The following UBE2D3 variants were observed in gnomAD, a reference collection of about 807,000 sequenced individuals.
UBE2D3 encodes ubiquitin-conjugating enzyme E2 D3.
UBE2D3 carries 2 observed loss-of-function variants against 22.8 expected under a neutral mutation model. The observed-to-expected ratio is 0.09, with a 90% CI of 0.04 to 0.28. The LOEUF (loss-of-function observed/expected upper bound fraction) is 0.28, where lower values mean the gene tolerates loss of function less well. Ranked by LOEUF, UBE2D3 falls within the 10% of genes least tolerant of loss-of-function variation. The pLI is 1.00. For synonymous variants in UBE2D3, 56 were observed against 60.4 expected (o/e 0.93, Z 0.34); for missense variants, 27 against 182.5 (o/e 0.15, Z 4.91).
At chr4:102,806,811 C>T (rs1727120661) in intron 4 of UBE2D3, among the ~76,000 whole-genome samples, 1 of 152,084 alleles carries the variant, frequency 6.6e-6, no homozygotes, top group Non-Finnish European at 1.5e-5. Context: ...TTGTTGGAAA[C>T]TAACCTTAAT....
intron 1 of UBE2D3, among the ~76,000 whole-genome samples, chr4:102,835,005 T>C (rs1429666084): frequency 2.0e-5 from 3 of 152,042 alleles, no homozygotes; most frequent in African/African-American, 4.8e-5. Flanking sequence ...ATCCCCACTC[T>C]CTCAGGATAC....
chr4:102,823,244 A>G (rs1007118125), intron 2 of UBE2D3, among the ~76,000 whole-genome samples: 3 of 152,218 alleles, frequency 2.0e-5, no homozygotes, highest in African/African-American at 7.2e-5. Context: ...TTAAGAGCAC[A>G]TACTCTGGAC....
intron 1 of UBE2D3, among the ~76,000 whole-genome samples, chr4:102,852,220 A>T (rs1025932468): frequency 6.6e-6 from 1 of 152,214 alleles, no homozygotes; most frequent in African/African-American, 2.4e-5. Context: ...TCACATATTG[A>T]GTAGATCAGA....
intron 4 of UBE2D3, among the ~76,000 whole-genome samples, chr4:102,806,565 TTTTAA>T (rs1331353377): frequency 2.0e-5 from 3 of 152,178 alleles, no homozygotes; most frequent in Non-Finnish European, 4.4e-5. Context: ...GGACCAATTA[TTTTAA>T]TTCAGATAGT....
chr4:102,834,527 A>G (rs1731287371), intron 1 of UBE2D3, among the ~76,000 whole-genome samples: 2 of 152,038 alleles, frequency 1.3e-5, no homozygotes, highest in African/African-American at 4.8e-5. Flanking sequence ...GGCAGGGTGG[A>G]TTGCTTAAAC....
rs1732040593 is a variant in UBE2D3, at chr4:102,846,342, C to T, written c.-128-19706G>A. 5.3e-5 allele frequency among the ~76,000 whole-genome samples: 8 copies of T among 152,216 alleles called. No individual in the cohort carries two copies. The South Asian group carries it at 1.2e-3, about 24-fold the overall frequency. The stretch of plus-strand genomic sequence containing the variant: ...TCCTCTACAATATGCCCAGGAATTT[C>T]TGGCATTTTGGCCATCTTATTTATA... On this transcript the variant is annotated intron_variant, in intron 1 of 7. Coordinates refer to the UBE2D3 transcript ENST00000338145.
intron 2 of UBE2D3, 73 bp downstream of exon 2, chr4:102,826,412 A>C (rs1578269495): frequency 6.3e-7 from 1 of 1,577,820 alleles, no homozygotes; most frequent in African/African-American, 1.4e-5. Context: ...CTTCCTTCCC[A>C]CCCCCACGCT....
chr4:102,828,983 T>C (rs1252769430), upstream of UBE2D3, among the ~76,000 whole-genome samples: 1 of 152,214 alleles, frequency 6.6e-6, no homozygotes, highest in Non-Finnish European at 1.5e-5. Flanking sequence ...GTTTTAAAAA[T>C]ACACTTAATT....
At chr4:102,817,983 C>G (rs1729019349) in intron 2 of UBE2D3, among the ~76,000 whole-genome samples, 1 of 152,118 alleles carries the variant, frequency 6.6e-6, no homozygotes, top group African/African-American at 2.4e-5. Context: ...CAGCTTATTC[C>G]TTCCTAGCAG....
In UBE2D3 at chr4:102,802,543, T is replaced by C. The variant is rs754676400; in HGVS notation, c.198+18A>G. ...AAGCATAAATCTATACTAACAGATT[T>C]TGAGGGAAAATACTTGCCTTAGGTG... On this transcript the variant is annotated intron_variant, in intron 5 of 7. Coordinates refer to ENST00000453744, the MANE Select transcript of UBE2D3 (RefSeq NM_181891.3). 6.3e-7 allele frequency: 1 copy of C among 1,589,010 alleles called. No homozygotes were observed. Among genetic ancestry groups the C allele is most frequent in the African/African-American group, 1.4e-5 (1 of 73,804 alleles).
intron 1 of UBE2D3, among the ~76,000 whole-genome samples, chr4:102,850,749 C>A (rs994248752): frequency 9.9e-5 from 15 of 151,954 alleles, no homozygotes; most frequent in African/African-American, 3.6e-4. Flanking sequence ...TACTACTCAG[C>A]CATAAAAAGA....
chr4:102,836,302 A>G (rs998242193), intron 1 of UBE2D3, among the ~76,000 whole-genome samples: 16 of 151,502 alleles, frequency 1.1e-4, no homozygotes, highest in African/African-American at 3.9e-4. Context: ...ACTCGCCACC[A>G]CGCCGGCTAA....
rs151282518 is a variant in UBE2D3 at position 102,850,015 on chromosome 4, G to A, written c.-129+18700C>T. On this transcript the variant is annotated intron_variant, in intron 1 of 7. Transcript: ENST00000338145. ...AAGAATGCACCATAATTGGTTAATA[G>A]CTTTAAAGTGGAAACAGCCCACTGA... is the stretch of plus-strand genomic sequence containing the variant. Among the ~76,000 whole-genome samples the A allele has an allele frequency of 4.7e-4, 72 of 152,216 alleles. No homozygotes were observed. In the East Asian group the frequency reaches 0.011, roughly 24 times the overall value.
At chr4:102,827,793 G>A (rs931412709), upstream of UBE2D3, 18 of 986,116 alleles carry the variant, frequency 1.8e-5, no homozygotes, top group Admixed American at 6.1e-4. Flanking sequence ...GGAGGATCAT[G>A]AGCTGGGGGG....
chr4:102,828,452 G>A (rs1273048668), upstream of UBE2D3, among the ~76,000 whole-genome samples: 1 of 152,070 alleles, frequency 6.6e-6, no homozygotes, highest in Non-Finnish European at 1.5e-5. Flanking sequence ...GAAGTCTAGT[G>A]CACGTCTGAC....
intron 7 of UBE2D3, among the ~76,000 whole-genome samples, chr4:102,799,176 A>T (rs1203174135): frequency 1.3e-5 from 2 of 151,956 alleles, no homozygotes; most frequent in Admixed American, 6.6e-5. Flanking sequence ...GATACTGTTT[A>T]ACACGCTAGG....
intron 2 of UBE2D3, 95 bp from the exon 3 acceptor site, chr4:102,809,950 T>C: frequency 1.7e-6 from 2 of 1,193,998 alleles, no homozygotes; most frequent in Non-Finnish European, 2.5e-6. Flanking sequence ...ACCCTATTTT[T>C]AAAGGCACAC....
chr4:102,863,022 G>T (rs919404846), intron 1 of UBE2D3, among the ~76,000 whole-genome samples: 9 of 151,850 alleles, frequency 5.9e-5, no homozygotes, highest in African/African-American at 1.7e-4. Flanking sequence ...AGGGGTATGG[G>T]TATGCCCAGG....
At chr4:102,822,279 C>T (rs1033680722) in intron 2 of UBE2D3, among the ~76,000 whole-genome samples, 27 of 152,196 alleles carry the variant, frequency 1.8e-4, no homozygotes, top group African/African-American at 6.5e-4. Flanking sequence ...CAGCATCCTT[C>T]AGTCACAACT....
Sources: allele counts gnomAD v4.1 joint callset (sites outside exome capture counted in the v4.1 genomes callset), GRCh38; gene constraint gnomAD v4.1.1; transcripts MANE v1.5; gene names NCBI Gene and HGNC (gene_info 2026-07-23, HGNC 2026-07-21).